GNA12: variants seen among roughly 807,000 people sequenced by gnomAD.
The protein encoded by GNA12 is G protein subunit alpha 12, also known as guanine nucleotide-binding protein subunit alpha-12.
Under a neutral mutation model 26.0 loss-of-function variants are expected in GNA12, and 9 were observed. The ratio of observed to expected loss-of-function variants is 0.35; its 90% CI spans 0.21 to 0.60. The LOEUF is 0.60. Among genes scored for constraint, GNA12 ranks in the 20% least tolerant of loss-of-function variants. GNA12 has a pLI of 0.78. For synonymous variants in GNA12, 264 were observed against 219.6 expected (o/e 1.20, Z -1.79); for missense variants, 405 against 525.8 (o/e 0.77, Z 2.25).
At chr7:2,832,481 G>T (rs189372621) in intron 1 of GNA12, among the ~76,000 whole-genome samples, 1 of 152,168 alleles carries the variant, frequency 6.6e-6, no homozygotes, top group African/African-American at 2.4e-5. Context: ...TCCACGCCAT[G>T]CACCATCACT....
At chr7:2,809,321 A>C (rs1300534648) in intron 1 of GNA12, among the ~76,000 whole-genome samples, 4 of 152,200 alleles carry the variant, frequency 2.6e-5, no homozygotes, top group Non-Finnish European at 2.9e-5. Flanking sequence ...GTCCTACCTC[A>C]TACCTGCAGT....
rs778023039 is a variant in GNA12, at chr7:2,731,401, C to T, written c.926G>A (p.Ser309Asn). The change falls in exon 4 of 4, where the codon AGC (serine) becomes AAC (asparagine). Residue 309 changes from serine (S) to asparagine (N), a missense_variant. Transcript: ENST00000275364. The surrounding 1 kb of genome is among the most constrained non-coding windows in gnomAD (Gnocchi z 6.0). ...GAAGTCCGGGAAGTGCTTCTTGATG[C>T]TCACGGTCTTCACCTTCTCCACCAG... is the stretch of plus-strand genomic sequence containing the variant. Reference protein sequence around the residue: ...DLLVEKVKTVSIKKHFPDFRG... With the variant: ...DLLVEKVKTVNIKKHFPDFRG... 18 of 1,612,962 alleles carry T rather than the reference C, an allele frequency of 1.1e-5. No individual in the cohort carries two copies. The highest frequency in any genetic ancestry group is 1.5e-5 in the Non-Finnish European group (18 of 1,179,248).
intron 2 of GNA12, chr7:2,762,408 G>A (rs946120220): frequency 1.5e-5 from 7 of 475,208 alleles, no homozygotes; most frequent in African/African-American, 4.0e-5. Flanking sequence ...GGAAACCAAA[G>A]CTTAGACGTT....
chr7:2,808,722 T>C (rs1793009728), intron 1 of GNA12, among the ~76,000 whole-genome samples: 1 of 152,178 alleles, frequency 6.6e-6, no homozygotes, highest in South Asian at 2.1e-4. Flanking sequence ...CTCACCTGGA[T>C]TATGGCAAGT....
intron 2 of GNA12, among the ~76,000 whole-genome samples, chr7:2,770,011 A>G (rs1405713707): frequency 6.6e-6 from 1 of 152,228 alleles, no homozygotes; most frequent in East Asian, 1.9e-4. Context: ...GGTTTATAAT[A>G]GGAAGTTACA....
chr7:2,822,001 C>T (rs958512546), intron 1 of GNA12, among the ~76,000 whole-genome samples: 8 of 152,148 alleles, frequency 5.3e-5, no homozygotes, highest in Non-Finnish European at 1.2e-4. Flanking sequence ...CTCGCATGCC[C>T]GCCCAGGCTG....
At chr7:2,751,761 T>C (rs531099654) in intron 2 of GNA12, among the ~76,000 whole-genome samples, 4 of 152,334 alleles carry the variant, frequency 2.6e-5, no homozygotes, top group Non-Finnish European at 5.9e-5. Flanking sequence ...GGACATCTTA[T>C]ACGAAATGGA....
intron 2 of GNA12, among the ~76,000 whole-genome samples, chr7:2,785,145 T>C (rs767702102): frequency 2.6e-5 from 4 of 152,118 alleles, no homozygotes; most frequent in Non-Finnish European, 4.4e-5. Flanking sequence ...CAGTGCAGGA[T>C]CCAAGAATAG....
rs531518606 is a variant in GNA12, at chr7:2,829,207, G to A, written c.309+14646C>T. Among the ~76,000 whole-genome samples the A allele has an allele frequency of 2.0e-5, 3 of 152,340 alleles. No individual in the cohort carries two copies. In the East Asian group the frequency reaches 5.8e-4, roughly 29 times the overall value. On this transcript the variant is annotated intron_variant, in intron 1 of 3. Transcript: ENST00000275364. ...TTGCTGCTCTTGGCCCTCACAAACA[G>A]GTCCCTGCCCCAGGCAGTTTAAAAT...
chr7:2,736,584 T>G (rs1303723194), intron 2 of GNA12, among the ~76,000 whole-genome samples: 1 of 152,142 alleles, frequency 6.6e-6, no homozygotes, highest in Non-Finnish European at 1.5e-5. Context: ...CCTGTGCACC[T>G]GTATTGGGCA....
At chr7:2,768,058 T>C (rs886340578) in intron 2 of GNA12, among the ~76,000 whole-genome samples, 1 of 152,188 alleles carries the variant, frequency 6.6e-6, no homozygotes. Context: ...TTTCACCATA[T>C]TGGTCAGGCT....
chr7:2,799,545 G>C (rs1447643736), intron 1 of GNA12, among the ~76,000 whole-genome samples: 1 of 152,158 alleles, frequency 6.6e-6, no homozygotes, highest in African/African-American at 2.4e-5. Context: ...CAGTGCCACT[G>C]CACTCCAGCC....
intron 2 of GNA12, among the ~76,000 whole-genome samples, chr7:2,742,017 T>C (rs1265901046): frequency 6.6e-6 from 1 of 151,790 alleles, no homozygotes; most frequent in African/African-American, 2.4e-5. Flanking sequence ...AACACTTGAA[T>C]TTTTTTATTT....
At chr7:2,744,487 A>G (rs1454814910) in intron 2 of GNA12, among the ~76,000 whole-genome samples, 2 of 152,256 alleles carry the variant, frequency 1.3e-5, no homozygotes, top group African/African-American at 4.8e-5. Context: ...ACTAACAAAC[A>G]GGAAGGACAT....
At chr7:2,734,121 A>G (rs1390112311) in intron 2 of GNA12, among the ~76,000 whole-genome samples, 1 of 152,144 alleles carries the variant, frequency 6.6e-6, no homozygotes, top group Non-Finnish European at 1.5e-5. Context: ...CCAATCATCG[A>G]TACAATCTGA....
At chr7:2,742,004 T>C (rs1351315347) in intron 2 of GNA12, among the ~76,000 whole-genome samples, 1 of 152,008 alleles carries the variant, frequency 6.6e-6, no homozygotes, top group Non-Finnish European at 1.5e-5. Flanking sequence ...TCATTTAATC[T>C]GAAACACTTG....
At chr7:2,761,241 T>C (rs144924693) in intron 2 of GNA12, among the ~76,000 whole-genome samples, 2,052 of 152,106 alleles carry the variant, frequency 0.013, 37 homozygotes, top group Admixed American at 0.043. Flanking sequence ...CTCCCGGCCG[T>C]GGATGGCACA....
intron 1 of GNA12, among the ~76,000 whole-genome samples, chr7:2,804,707 A>G (rs1792900839): frequency 6.6e-6 from 1 of 152,208 alleles, no homozygotes; most frequent in African/African-American, 2.4e-5. Flanking sequence ...GCCATCTTGG[A>G]TTGCATGGTG....
chr7:2,741,827 C>T (rs191110962), intron 2 of GNA12, among the ~76,000 whole-genome samples: 15 of 150,906 alleles, frequency 9.9e-5, no homozygotes, highest in East Asian at 1.9e-4. Flanking sequence ...TTCAGGAGAA[C>T]GCCGCAAGGA....
Sources: gnomAD v4.1 joint callset for allele counts (sites outside exome capture counted in the v4.1 genomes callset) on GRCh38, gnomAD v4.1.1 for gene constraint, Gnocchi (gnomAD v3.1) non-coding constraint, MANE v1.5 for transcripts, NCBI Gene and HGNC (gene_info 2026-07-23, HGNC 2026-07-21) for gene names.